RAPGEF1: variants seen among roughly 807,000 people sequenced by gnomAD.
RAPGEF1 encodes Rap guanine nucleotide exchange factor 1, also known as CRK SH3-binding GNRP.
Under a neutral mutation model 143.3 loss-of-function variants are expected in RAPGEF1, and 33 were observed. That is an observed-to-expected ratio of 0.23 (90% CI 0.17 to 0.31). The LOEUF is 0.31. Among genes scored for constraint, RAPGEF1 ranks in the 10% least tolerant of loss-of-function variants. RAPGEF1 has a pLI of 1.00. For synonymous variants in RAPGEF1, 629 were observed against 676.5 expected (o/e 0.93, Z 1.09); for missense variants, 1,199 against 1,645.4 (o/e 0.73, Z 4.69).
chr9:131,698,504 A>T (rs1407346276), intron 1 of RAPGEF1, among the ~76,000 whole-genome samples: 1 of 152,238 alleles, frequency 6.6e-6, no homozygotes, highest in Non-Finnish European at 1.5e-5. Flanking sequence ...CAGCTGTGAC[A>T]AATTGTTTGC....
chr9:131,708,063 T>C (rs1482009454), intron 1 of RAPGEF1, among the ~76,000 whole-genome samples: 1 of 152,208 alleles, frequency 6.6e-6, no homozygotes, highest in Non-Finnish European at 1.5e-5. Flanking sequence ...GACAAAAGAA[T>C]GACTCACAGA....
At chr9:131,681,744 C>T (rs1213777875) in intron 1 of RAPGEF1, among the ~76,000 whole-genome samples, 1 of 152,088 alleles carries the variant, frequency 6.6e-6, no homozygotes, top group Non-Finnish European at 1.5e-5. Flanking sequence ...CTCATCATGC[C>T]GGATGATGCC....
intron 1 of RAPGEF1, among the ~76,000 whole-genome samples, chr9:131,677,828 G>A (rs796293891): frequency 3.3e-5 from 5 of 152,282 alleles, no homozygotes; most frequent in East Asian, 3.9e-4. Context: ...TGCAGAGCTC[G>A]GCCTTAACAC....
intron 1 of RAPGEF1, among the ~76,000 whole-genome samples, chr9:131,701,988 T>C (rs1401759554): frequency 2.0e-5 from 3 of 152,248 alleles, no homozygotes; most frequent in East Asian, 1.9e-4. Context: ...GATGAACCAA[T>C]GGCCTTGTCC....
Position 131,689,539 on chromosome 9 carries a change from A to AT in RAPGEF1, c.62-38591dup, listed in dbSNP as rs200363817. On this transcript the variant is annotated intron_variant, in intron 1 of 26. Coordinates refer to ENST00000683357, the MANE Select transcript of RAPGEF1 (RefSeq NM_001377935.1). ...TCAAAAATCCTTTTCAGTAACTTGA[A>AT]TTTTTTTTTTTTTTCCAGAGACGGA... 1.2e-3 allele frequency among the ~76,000 whole-genome samples: 182 copies of AT among 147,942 alleles called. No individual in the cohort carries two copies. In the Middle Eastern group the frequency reaches 0.014, roughly 12 times the overall value.
intron 1 of RAPGEF1, among the ~76,000 whole-genome samples, chr9:131,672,037 G>T (rs1554854047): frequency 6.6e-6 from 1 of 152,152 alleles, no homozygotes; most frequent in Non-Finnish European, 1.5e-5. Context: ...GGGCCAATAG[G>T]TGCTGCTGTA....
intron 22 of RAPGEF1, among the ~76,000 whole-genome samples, chr9:131,585,498 C>T (rs1334299161): frequency 6.6e-6 from 1 of 152,244 alleles, no homozygotes; most frequent in Non-Finnish European, 1.5e-5. Flanking sequence ...CAGCCAGGCC[C>T]TGTGGAGTGT....
chr9:131,735,816 G>T (rs565713315), intron 1 of RAPGEF1, among the ~76,000 whole-genome samples: 1 of 152,170 alleles, frequency 6.6e-6, no homozygotes, highest in Non-Finnish European at 1.5e-5. Flanking sequence ...AGTTACCAGA[G>T]ATTCTCATTT....
At chr9:131,695,054 G>A (rs1236422095) in intron 1 of RAPGEF1, among the ~76,000 whole-genome samples, 1 of 143,794 alleles carries the variant, frequency 7.0e-6, no homozygotes, top group Non-Finnish European at 1.5e-5. Flanking sequence ...AACGGATAAT[G>A]TTGACTGTCT....
At chr9:131,718,728 A>G (rs1263916575) in intron 1 of RAPGEF1, among the ~76,000 whole-genome samples, 1 of 152,136 alleles carries the variant, frequency 6.6e-6, no homozygotes, top group Non-Finnish European at 1.5e-5. Context: ...CCAGGCAGAG[A>G]GTGAAGGGGA....
Position 131,621,399 on chromosome 9 carries a change from T to C in RAPGEF1, c.1905+397A>G, listed in dbSNP as rs1960961495. 6.6e-6 allele frequency among the ~76,000 whole-genome samples: 1 copy of C among 152,214 alleles called. No individual in the cohort carries two copies. On this transcript the variant is annotated intron_variant, in intron 11 of 26. Coordinates refer to ENST00000683357, the MANE Select transcript of RAPGEF1 (RefSeq NM_001377935.1). The surrounding 1 kb of genome is among the most constrained non-coding windows in gnomAD (Gnocchi z 4.5). ...CCATTATGCCAATCAAGTCCACAGA[T>C]GGCTGTGCACAGACCATGTCCTGTG...
intron 1 of RAPGEF1, among the ~76,000 whole-genome samples, chr9:131,685,495 A>G (rs1833267028): frequency 6.6e-6 from 1 of 152,264 alleles, no homozygotes; most frequent in Non-Finnish European, 1.5e-5. Flanking sequence ...CTTAAGCCAC[A>G]AACAATAACA....
Position 131,584,484 on chromosome 9 carries a change from G to A in RAPGEF1, c.3312+34C>T, listed in dbSNP as rs554987721. On this transcript the variant is annotated intron_variant, in intron 23 of 26. Transcript: ENST00000683357. The surrounding 1 kb of genome is among the most constrained non-coding windows in gnomAD (Gnocchi z 6.8). ...CCGGGCTCCCAGAGCAGGGACTGATGATGGGGGCCTGGGAAGGACTTGGCC... is the reference window on the plus strand; with the variant it reads ...CCGGGCTCCCAGAGCAGGGACTGATAATGGGGGCCTGGGAAGGACTTGGCC... The A allele has an allele frequency of 1.2e-6, 2 of 1,612,894 alleles. No individual in the cohort carries two copies. Among genetic ancestry groups the A allele is most frequent in the East Asian group, 2.2e-5 (1 of 44,882 alleles).
chr9:131,708,348 G>A (rs1835239240), intron 1 of RAPGEF1, among the ~76,000 whole-genome samples: 1 of 152,202 alleles, frequency 6.6e-6, no homozygotes. Flanking sequence ...CCTGCCAGCC[G>A]GCCGGTCTCC....
At chr9:131,625,794 C>T (rs1050813560) in intron 10 of RAPGEF1, 128 bp downstream of exon 10, 2 of 1,287,456 alleles carry the variant, frequency 1.6e-6, no homozygotes, top group Non-Finnish European at 2.1e-6. Context: ...TGTCCACATA[C>T]CTGGCTGGCC....
At chr9:131,730,664 C>T (rs892437239) in intron 1 of RAPGEF1, among the ~76,000 whole-genome samples, 1 of 132,866 alleles carries the variant, frequency 7.5e-6, no homozygotes, top group African/African-American at 2.8e-5. Flanking sequence ...CATTGCACTC[C>T]AGCCTGGGCA....
At chr9:131,697,293 G>C (rs994385897) in intron 1 of RAPGEF1, among the ~76,000 whole-genome samples, 2 of 152,210 alleles carry the variant, frequency 1.3e-5, no homozygotes, top group Non-Finnish European at 2.9e-5. Context: ...AGGTCACAGA[G>C]ACTTGAAATG....
At chr9:131,705,831 G>A (rs762615460) in intron 1 of RAPGEF1, among the ~76,000 whole-genome samples, 3 of 152,186 alleles carry the variant, frequency 2.0e-5, no homozygotes, top group African/African-American at 4.8e-5. Context: ...AGCAGGTGGA[G>A]GCTGTAAGAC....
At chr9:131,615,135 C>T (rs192858715) in intron 12 of RAPGEF1, among the ~76,000 whole-genome samples, 10 of 152,202 alleles carry the variant, frequency 6.6e-5, no homozygotes, top group African/African-American at 1.2e-4. Flanking sequence ...CGCAGTGGCG[C>T]GATCTCCACT....
Sources: gnomAD v4.1 joint callset for allele counts (sites outside exome capture counted in the v4.1 genomes callset) on GRCh38, gnomAD v4.1.1 for gene constraint, Gnocchi (gnomAD v3.1) non-coding constraint, MANE v1.5 for transcripts, NCBI Gene and HGNC (gene_info 2026-07-23, HGNC 2026-07-21) for gene names.